The following SH3D19 variants were observed in gnomAD, a reference collection of about 807,000 sequenced individuals.
The protein encoded by SH3D19 is SH3 domain containing 19.
In SH3D19, 58 loss-of-function variants were observed where a neutral mutation model predicts 112.1. The ratio of observed to expected loss-of-function variants is 0.52; its 90% confidence interval spans 0.42 to 0.64. The LOEUF is 0.64. Ranked by LOEUF, SH3D19 falls within the 30% of genes least tolerant of loss-of-function variation. SH3D19 has a pLI of 0.00. For missense variants in SH3D19, 1,090 were observed against 1,263.4 expected, an observed-to-expected ratio of 0.86 and a Z score of 2.08; for synonymous variants, 391 against 448.5, an observed-to-expected ratio of 0.87 and a Z score of 1.62.
At chr4:151,127,917 G>A (rs886076584) in intron 18 of SH3D19, among the ~76,000 whole-genome samples, 2 of 152,194 alleles carry the variant, frequency 1.3e-5, no homozygotes, top group Non-Finnish European at 2.9e-5. Context: ...GATGAACAAT[G>A]TTCTTTTAGC....
At chr4:151,279,882 T>C in intron 1 of SH3D19, 1 of 1,613,916 alleles carries the variant, frequency 6.2e-7, no homozygotes, top group Non-Finnish European at 8.5e-7. Context: ...CAGCCTACAC[T>C]TTGACCACAA....
intron 1 of SH3D19, among the ~76,000 whole-genome samples, chr4:151,267,803 G>A (rs1393072418): frequency 3.3e-5 from 5 of 152,064 alleles, no homozygotes; most frequent in Non-Finnish European, 2.9e-5. Flanking sequence ...CCCTGTAAAG[G>A]GGGACTGGTT....
rs77817015 is a variant in SH3D19 at position 151,144,155 on chromosome 4, T to C, written c.2083-105A>G. The C allele has an allele frequency of 6.4e-3, 10,150 of 1,592,440 alleles. 491 individuals are homozygous for C. The African/African-American group carries it at 0.12, about 18-fold the overall frequency. On this transcript the variant is annotated intron_variant, in intron 11 of 19. Transcript: ENST00000604030. ...GCCTAAAGCATTTAATAATGTGTAA[T>C]GGTAGTAACAGAGGCCAGTAATTTT...
At chr4:151,291,521 G>A in intron 1 of SH3D19, 1 of 1,210,386 alleles carries the variant, frequency 8.3e-7, no homozygotes, top group Non-Finnish European at 1.1e-6. Context: ...TGTTTTTAAG[G>A]TTTTTGATTT....
At chr4:151,295,165 A>G (rs937465166) in intron 1 of SH3D19, among the ~76,000 whole-genome samples, 1 of 152,236 alleles carries the variant, frequency 6.6e-6, no homozygotes, top group Non-Finnish European at 1.5e-5. Flanking sequence ...TCTCAGTGAC[A>G]TGAGAAGCCA....
At chr4:151,279,769 A>G in intron 1 of SH3D19, 2 of 1,611,230 alleles carry the variant, frequency 1.2e-6, no homozygotes, top group Non-Finnish European at 8.5e-7. Context: ...CTAGGTTTCC[A>G]CATTTCCCTT....
chr4:151,158,361 G>T (rs953848399), intron 9 of SH3D19, among the ~76,000 whole-genome samples: 2 of 151,950 alleles, frequency 1.3e-5, no homozygotes, highest in Non-Finnish European at 1.5e-5. Flanking sequence ...GTGCAGTGGC[G>T]TGATCTTGGC....
rs557564353 is a variant in SH3D19, at chr4:151,288,736, G to C, written c.112+36505C>G. On this transcript the variant is annotated intron_variant, in intron 1 of 19. Transcript: ENST00000604030. ...CATGCAGTTGCAATGAATAATCTAA[G>C]GAAACATTTAAGAAAACAATATTCC... Among the ~76,000 whole-genome samples the C allele has an allele frequency of 8.0e-4, 121 of 151,092 alleles. 1 individual carries two copies. The highest frequency in any genetic ancestry group is 2.8e-3 in the African/African-American group (114 of 40,776).
At position 151,126,753 on chromosome 4, in the gene SH3D19, G is replaced by A. The variant is rs1464237024; in HGVS notation, c.3027+865C>T. ...GTGGAGCTTGCAGTGAGCCGAGATC[G>A]CCCCACTGCACTCCAGCCTGGGTGA... On this transcript the variant is annotated intron_variant, in intron 19 of 19. Coordinates refer to ENST00000604030, the MANE Select transcript of SH3D19 (RefSeq NM_001378122.1). Among the ~76,000 whole-genome samples the A allele has an allele frequency of 6.4e-5, 9 of 140,084 alleles. No individual in the cohort carries two copies. In the South Asian group the frequency reaches 7.0e-4, roughly 11 times the overall value. The allele number at this position is 140,084 out of a possible 152,430, so 91.9% of individuals were successfully genotyped here. A position where few individuals can be genotyped will look rare whatever the true frequency, so the allele number is the denominator to read the frequency against.
At chr4:151,322,431 TAAAAAA>T (rs57301959) in intron 1 of SH3D19, among the ~76,000 whole-genome samples, 1 of 38,420 alleles carries the variant, frequency 2.6e-5, no homozygotes, top group Non-Finnish European at 5.3e-5. Context: ...AGACTCTGCC[TAAAAAA>T]AAAAAAAAAA....
chr4:151,268,537 C>T (rs1178254794), intron 1 of SH3D19, among the ~76,000 whole-genome samples: 2 of 149,736 alleles, frequency 1.3e-5, no homozygotes, highest in African/African-American at 4.9e-5. Flanking sequence ...GTGTGCTGCA[C>T]CCATTAACTC....
At chr4:151,209,486 GC>G (rs1765625691) in intron 2 of SH3D19, among the ~76,000 whole-genome samples, 1 of 151,930 alleles carries the variant, frequency 6.6e-6, no homozygotes, top group Admixed American at 6.6e-5. Flanking sequence ...CACCATGTTG[GC>G]CAGGCTGGTC....
At chr4:151,183,650 A>C (rs1761292818) in intron 3 of SH3D19, among the ~76,000 whole-genome samples, 1 of 152,236 alleles carries the variant, frequency 6.6e-6, no homozygotes, top group African/African-American at 2.4e-5. Flanking sequence ...AGAAGAAATA[A>C]ACACATAGAA....
At chr4:151,237,135 AAGCC>A (rs1349382108) in intron 1 of SH3D19, among the ~76,000 whole-genome samples, 1 of 152,112 alleles carries the variant, frequency 6.6e-6, no homozygotes, top group Non-Finnish European at 1.5e-5. Flanking sequence ...TTCACTCCTG[AAGCC>A]AGCGAGACCA....
chr4:151,162,241 C>G (rs984606357), intron 8 of SH3D19, among the ~76,000 whole-genome samples: 2 of 151,330 alleles, frequency 1.3e-5, no homozygotes, highest in Non-Finnish European at 2.9e-5. Flanking sequence ...TGAGTGAGAA[C>G]ATGCAGTGTT....
At chr4:151,142,811 A>G (rs1753237807) in intron 12 of SH3D19, among the ~76,000 whole-genome samples, 1 of 152,250 alleles carries the variant, frequency 6.6e-6, no homozygotes, top group African/African-American at 2.4e-5. Flanking sequence ...AATAGCCATG[A>G]ACCCAGAAGC....
intron 2 of SH3D19, among the ~76,000 whole-genome samples, chr4:151,208,409 T>C (rs1307773836): frequency 6.6e-6 from 1 of 152,240 alleles, no homozygotes; most frequent in Non-Finnish European, 1.5e-5. Context: ...TCACTCTTGT[T>C]GCCCAGGTTG....
chr4:151,323,042 C>T (rs1299188079), intron 1 of SH3D19, among the ~76,000 whole-genome samples: 6 of 152,088 alleles, frequency 3.9e-5, no homozygotes, highest in Non-Finnish European at 1.5e-5. Context: ...TGACTATATC[C>T]TATTTCTTGA....
At chr4:151,135,975 G>T (rs1034268407) in intron 14 of SH3D19, among the ~76,000 whole-genome samples, 3 of 148,822 alleles carry the variant, frequency 2.0e-5, no homozygotes, top group African/African-American at 7.6e-5. Context: ...TGACAACAGC[G>T]AGACTGTCTC....
Sources: allele counts gnomAD v4.1 joint callset (sites outside exome capture counted in the v4.1 genomes callset), GRCh38; gene constraint gnomAD v4.1.1; transcripts MANE v1.5; gene names NCBI Gene and HGNC (gene_info 2026-07-23, HGNC 2026-07-21).